The following LRP1B variants were observed in gnomAD, a reference collection of about 807,000 sequenced individuals.
LRP1B encodes LDL receptor related protein 1B.
LRP1B carries 217 observed loss-of-function variants against 556.6 expected under a neutral mutation model. That is an observed-to-expected ratio of 0.39 (90% confidence interval 0.35 to 0.44). The LOEUF is 0.44. LRP1B is among the 20% of genes least tolerant of loss of function. The probability of loss-of-function intolerance (pLI) is 1.00; values close to 1 mark genes in which losing one functional copy is unlikely to be tolerated. For missense variants in LRP1B, 5,053 were observed against 5,620.8 expected (o/e 0.90, Z 3.23); for synonymous variants, 2,047 against 1,865.8 (o/e 1.10, Z -2.50).
rs377271635 is a variant in LRP1B at position 141,314,810 on chromosome 2, TTA to T, written c.344-60171_344-60170del. Reference sequence around the variant, plus strand: ...CGTCTCAAAAGAAAAAAAAAAAAATTTATATATATATATATATGTGTATATAT... The same window carrying T: ...CGTCTCAAAAGAAAAAAAAAAAAATTTATATATATATATATGTGTATATAT... On this transcript the variant is annotated intron_variant, in intron 3 of 90. Transcript: ENST00000389484. Among the ~76,000 whole-genome samples the T allele has an allele frequency of 8.3e-3, 1,031 of 123,492 alleles. 17 individuals are homozygous for T. Among genetic ancestry groups the T allele is most frequent in the African/African-American group, 0.03 (952 of 31,394 alleles). 81.0% of individuals were successfully genotyped at this position (123,492 alleles called of 152,430 possible). A position where few individuals can be genotyped will look rare whatever the true frequency, so the allele number is the denominator to read the frequency against.
chr2:142,071,949 A>G (rs906715530), intron 1 of LRP1B, among the ~76,000 whole-genome samples: 1 of 151,944 alleles, frequency 6.6e-6, no homozygotes, highest in Non-Finnish European at 1.5e-5. Flanking sequence ...CTGTGATTCC[A>G]AGTTCAAAGA....
chr2:141,319,235 A>G (rs1360991576), intron 3 of LRP1B, among the ~76,000 whole-genome samples: 1 of 150,408 alleles, frequency 6.6e-6, no homozygotes, highest in East Asian at 1.9e-4. Context: ...GTCCTAAAAT[A>G]TCTTTACCCT....
chr2:141,184,502 G>A (rs546897214), intron 7 of LRP1B, among the ~76,000 whole-genome samples: 19 of 151,564 alleles, frequency 1.3e-4, no homozygotes, highest in African/African-American at 3.9e-4. Context: ...GAAACTGAAC[G>A]CACAGGCCTC....
At chr2:140,532,940 A>ATCTATATCTATATCTATC (rs1553482110) in intron 47 of LRP1B, among the ~76,000 whole-genome samples, 17 of 122,872 alleles carry the variant, frequency 1.4e-4, no homozygotes, top group African/African-American at 4.6e-4. Flanking sequence ...ATATATATAT[A>ATCTATATCTATATCTATC]TATATATACA....
chr2:140,910,301 G>A (rs1001414441), intron 21 of LRP1B, among the ~76,000 whole-genome samples: 7 of 151,810 alleles, frequency 4.6e-5, no homozygotes, highest in South Asian at 2.1e-4. Context: ...AATCTAAATA[G>A]CAGAGAACAA....
At chr2:141,517,488 T>C (rs1386135803) in intron 2 of LRP1B, among the ~76,000 whole-genome samples, 6 of 152,172 alleles carry the variant, frequency 3.9e-5, no homozygotes, top group Admixed American at 3.9e-4. Flanking sequence ...ATGCAATACA[T>C]GGGAATATTC....
At chr2:140,543,843 G>T (rs942425090) in intron 43 of LRP1B, among the ~76,000 whole-genome samples, 9 of 151,846 alleles carry the variant, frequency 5.9e-5, no homozygotes, top group African/African-American at 9.7e-5. Context: ...CAGGATACCA[G>T]GCTGTTATTA....
In LRP1B at chr2:140,859,838, C is replaced by T. The variant is rs557364054; in HGVS notation, c.4579+7752G>A. ...TGAAACCCCATCTCTACTAAAAATA[C>T]AAAAAAATTAGCCGAGTGTGGCGGC... On this transcript the variant is annotated intron_variant, in intron 27 of 90. Coordinates refer to ENST00000389484, the MANE Select transcript of LRP1B (RefSeq NM_018557.3). Among the ~76,000 whole-genome samples the T allele has an allele frequency of 2.0e-5, 3 of 151,706 alleles. No individual in the cohort carries two copies. In the East Asian group the frequency reaches 5.9e-4, roughly 30 times the overall value.
At position 140,978,668 on chromosome 2, in the gene LRP1B, A is replaced by G. The variant is rs147599078; in HGVS notation, c.2887+3492T>C. Among the ~76,000 whole-genome samples, 313 of 152,322 alleles carry G rather than the reference A, an allele frequency of 2.1e-3. 1 individual carries two copies. Among genetic ancestry groups the G allele is most frequent in the African/African-American group, 7.1e-3 (294 of 41,576 alleles). ...GCAGAGATCTGTGCCATTCTTTCTT[A>G]TAATAACTTTAACAGTGAAATTGTG... On this transcript the variant is annotated intron_variant, in intron 18 of 90. Transcript: ENST00000389484.
intron 1 of LRP1B, among the ~76,000 whole-genome samples, chr2:142,009,705 A>G (rs947062986): frequency 1.4e-4 from 22 of 152,172 alleles, no homozygotes; most frequent in African/African-American, 5.3e-4. Flanking sequence ...TGCTGCATAT[A>G]TGTCTAAGTT....
chr2:141,186,184 G>A (rs1574168376), intron 7 of LRP1B, among the ~76,000 whole-genome samples: 2 of 151,268 alleles, frequency 1.3e-5, no homozygotes, highest in South Asian at 4.2e-4. Flanking sequence ...AATCTATGAA[G>A]GTCAAGCTCT....
At chr2:141,735,553 T>C (rs1205279365) in intron 2 of LRP1B, among the ~76,000 whole-genome samples, 1 of 151,604 alleles carries the variant, frequency 6.6e-6, no homozygotes, top group Non-Finnish European at 1.5e-5. Flanking sequence ...GCTTAAGAAC[T>C]GCAATTTATA....
chr2:140,382,104 C>A (rs1683532743), intron 67 of LRP1B, among the ~76,000 whole-genome samples: 1 of 152,074 alleles, frequency 6.6e-6, no homozygotes, highest in Non-Finnish European at 1.5e-5. Flanking sequence ...TCTCTACTAT[C>A]TTAAAAACTC....
intron 3 of LRP1B, among the ~76,000 whole-genome samples, chr2:141,325,382 T>A (rs913885953): frequency 1.3e-5 from 2 of 152,252 alleles, no homozygotes; most frequent in South Asian, 2.1e-4. Context: ...AATATATTTT[T>A]AAATAATTTT....
At chr2:141,891,414 C>T (rs1158894675) in intron 1 of LRP1B, among the ~76,000 whole-genome samples, 1 of 152,086 alleles carries the variant, frequency 6.6e-6, no homozygotes, top group African/African-American at 2.4e-5. Flanking sequence ...TCCCTTATCT[C>T]CAAATTTTTG....
chr2:140,280,552 A>ATT (rs1028847331), intron 84 of LRP1B, among the ~76,000 whole-genome samples: 19 of 151,804 alleles, frequency 1.3e-4, no homozygotes, highest in African/African-American at 4.6e-4. Context: ...TATGTGCCTT[A>ATT]TTGTATACTA....
intron 82 of LRP1B, among the ~76,000 whole-genome samples, chr2:140,319,543 GTTCTCAC>G (rs1679979345): frequency 6.6e-6 from 1 of 152,126 alleles, no homozygotes; most frequent in Non-Finnish European, 1.5e-5. Flanking sequence ...AATACCACAT[GTTCTCAC>G]TTATTAGTGG....
chr2:140,718,485 G>GCAA (rs1687287860), intron 35 of LRP1B, among the ~76,000 whole-genome samples: 1 of 151,764 alleles, frequency 6.6e-6, no homozygotes, highest in Admixed American at 6.6e-5. Flanking sequence ...CTGAAGTCTT[G>GCAA]CAACAGCCTT....
At chr2:141,842,506 C>T (rs1697509818) in intron 1 of LRP1B, among the ~76,000 whole-genome samples, 1 of 152,044 alleles carries the variant, frequency 6.6e-6, no homozygotes, top group Non-Finnish European at 1.5e-5. Context: ...ATAATGCCTG[C>T]TTTACATGGT....
Sources: allele counts gnomAD v4.1 joint callset (sites outside exome capture counted in the v4.1 genomes callset), GRCh38; gene constraint gnomAD v4.1.1; transcripts MANE v1.5; gene names NCBI Gene and HGNC (gene_info 2026-07-23, HGNC 2026-07-21).